The following LRBA variants were observed in gnomAD, a reference collection of about 807,000 sequenced individuals.
LRBA encodes lipopolysaccharide-responsive and beige-like anchor protein.
LRBA carries 176 observed loss-of-function variants against 330.0 expected under a neutral mutation model. That is an observed-to-expected ratio of 0.53 (90% confidence interval 0.47 to 0.60). The LOEUF is 0.60. Ranked by LOEUF, LRBA falls within the 20% of genes least tolerant of loss-of-function variation. The probability of loss-of-function intolerance (pLI) is 0.00; values close to 1 mark genes in which losing one functional copy is unlikely to be tolerated. For missense variants in LRBA, 3,259 were observed against 3,444.8 expected, an observed-to-expected ratio of 0.95 and a Z score of 1.35; for synonymous variants, 1,230 against 1,193.0, an observed-to-expected ratio of 1.03 and a Z score of -0.64.
At chr4:150,475,970 C>T (rs984176804) in intron 42 of LRBA, among the ~76,000 whole-genome samples, 2 of 151,564 alleles carry the variant, frequency 1.3e-5, no homozygotes, top group African/African-American at 2.4e-5. Flanking sequence ...CATGTCTCTA[C>T]TTTCACTTCT....
intron 36 of LRBA, among the ~76,000 whole-genome samples, chr4:150,708,803 A>T (rs1785896039): frequency 6.6e-6 from 1 of 151,878 alleles, no homozygotes; most frequent in Non-Finnish European, 1.5e-5. Context: ...TATATAATAG[A>T]GACAAAAATT....
chr4:150,763,619 C>T (rs1296929911), intron 34 of LRBA, among the ~76,000 whole-genome samples: 3 of 151,752 alleles, frequency 2.0e-5, no homozygotes, highest in African/African-American at 4.8e-5. Flanking sequence ...GCATGTGCCA[C>T]GAAAAGGTAG....
At chr4:150,999,102 T>G (rs1743040892) in intron 2 of LRBA, among the ~76,000 whole-genome samples, 1 of 151,756 alleles carries the variant, frequency 6.6e-6, no homozygotes, top group East Asian at 1.9e-4. Context: ...TGAGCTTGAG[T>G]TTGCAAAGAA....
At chr4:150,677,136 C>T (rs1306181926) in intron 37 of LRBA, among the ~76,000 whole-genome samples, 1 of 151,986 alleles carries the variant, frequency 6.6e-6, no homozygotes, top group Non-Finnish European at 1.5e-5. Flanking sequence ...GACCCCCCAA[C>T]CCCCAAAAAT....
chr4:150,684,289 A>G (rs1013484136), intron 36 of LRBA, among the ~76,000 whole-genome samples: 1 of 152,198 alleles, frequency 6.6e-6, no homozygotes, highest in Non-Finnish European at 1.5e-5. Flanking sequence ...AGGGCCAGAA[A>G]AGAGACAATA....
chr4:150,833,132 A>T (rs72719642), intron 28 of LRBA, among the ~76,000 whole-genome samples: 2,394 of 151,072 alleles, frequency 0.016, 27 homozygotes, highest in Non-Finnish European at 0.025. Flanking sequence ...ATCAAGATTT[A>T]AAAAAAAAGG....
chr4:150,354,077 G>A (rs942106059), intron 47 of LRBA, among the ~76,000 whole-genome samples: 12 of 152,062 alleles, frequency 7.9e-5, no homozygotes, highest in African/African-American at 2.9e-4. Context: ...CTTGAGGGGA[G>A]AGAGAAGGAC....
At chr4:150,362,379 A>G (rs76015092) in intron 47 of LRBA, among the ~76,000 whole-genome samples, 1,689 of 152,240 alleles carry the variant, frequency 0.011, 33 homozygotes, top group African/African-American at 0.039. Context: ...TTCTATCGGT[A>G]TCCAAACTGT....
At chr4:150,382,247 C>T (rs867574886) in intron 47 of LRBA, among the ~76,000 whole-genome samples, 4 of 152,130 alleles carry the variant, frequency 2.6e-5, no homozygotes, top group Non-Finnish European at 5.9e-5. Context: ...AAAATTGGCT[C>T]TAGCCTATCA....
chr4:150,726,868 T>A (rs1202399137), intron 36 of LRBA, among the ~76,000 whole-genome samples: 1 of 151,294 alleles, frequency 6.6e-6, no homozygotes, highest in Non-Finnish European at 1.5e-5. Context: ...CTGGAGCAAC[T>A]AAATATATAA....
intron 30 of LRBA, among the ~76,000 whole-genome samples, chr4:150,825,170 C>T (rs936519362): frequency 6.6e-6 from 1 of 152,064 alleles, no homozygotes; most frequent in African/African-American, 2.4e-5. Flanking sequence ...ATGGTACCAT[C>T]TACAGTTAAA....
chr4:150,387,159 TTGTC>T (rs970681236), intron 47 of LRBA, among the ~76,000 whole-genome samples: 10 of 152,154 alleles, frequency 6.6e-5, no homozygotes, highest in African/African-American at 2.4e-4. Context: ...TATTAGACCT[TTGTC>T]AGATGGATAG....
rs763826371 is a variant in LRBA at position 150,282,475 on chromosome 4, G to A, written c.8291C>T (p.Thr2764Met). ...TCTTATGTTATCATCTGTTTCCATCGTGGCCTGGAGTTTTCCATTCACACT... is the reference window on the plus strand; with the variant it reads ...TCTTATGTTATCATCTGTTTCCATCATGGCCTGGAGTTTTCCATTCACACT... ...TFSVNGKLQA[T>M]METDDNIRAI... Residue 2764 changes from threonine (T) to methionine (M), a missense_variant, in exon 55 of 57, where the codon ACG (threonine) becomes ATG (methionine). Physicochemically the swap from Thr to Met is moderately conservative, Grantham distance 81 (BLOSUM62 -1). Coordinates refer to ENST00000651943, the MANE Select transcript of LRBA (RefSeq NM_001364905.1). 8 of 1,613,874 alleles carry A rather than the reference G, an allele frequency of 5.0e-6. No individual in the cohort carries two copies. Among genetic ancestry groups the A allele is most frequent in the East Asian group, 2.2e-5 (1 of 44,876 alleles).
chr4:150,618,871 T>C (rs61069335), intron 37 of LRBA, among the ~76,000 whole-genome samples: 16,131 of 130,830 alleles, frequency 0.12, 1,538 homozygotes, highest in African/African-American at 0.26. Flanking sequence ...TATATATATA[T>C]ACACACATAC....
chr4:150,679,279 G>C (rs1400896873), intron 37 of LRBA, among the ~76,000 whole-genome samples: 1 of 152,128 alleles, frequency 6.6e-6, no homozygotes, highest in Non-Finnish European at 1.5e-5. Context: ...TTCCTACAAA[G>C]AAGATTAAAA....
At chr4:150,369,340 C>T (rs1249938233) in intron 47 of LRBA, among the ~76,000 whole-genome samples, 3 of 152,124 alleles carry the variant, frequency 2.0e-5, no homozygotes, top group Non-Finnish European at 2.9e-5. Flanking sequence ...GCCAGACCTT[C>T]TGATTAGGAG....
At chr4:150,527,804 G>T (rs1471902671) in intron 40 of LRBA, among the ~76,000 whole-genome samples, 1 of 152,150 alleles carries the variant, frequency 6.6e-6, no homozygotes, top group Non-Finnish European at 1.5e-5. Flanking sequence ...ACAATATTTA[G>T]ATGGCAGAAG....
At chr4:150,520,440 T>C (rs1256037278) in intron 40 of LRBA, among the ~76,000 whole-genome samples, 3 of 152,208 alleles carry the variant, frequency 2.0e-5, no homozygotes, top group East Asian at 3.8e-4. Context: ...CTTACAGATA[T>C]TTCAACAAAT....
chr4:150,706,193 T>C (rs1318946500), intron 36 of LRBA, among the ~76,000 whole-genome samples: 1 of 151,880 alleles, frequency 6.6e-6, no homozygotes, highest in Non-Finnish European at 1.5e-5. Context: ...CATAGACCTA[T>C]TAGTATCAAA....
Sources: gnomAD v4.1 joint callset for allele counts (sites outside exome capture counted in the v4.1 genomes callset) on GRCh38, gnomAD v4.1.1 for gene constraint, MANE v1.5 for transcripts, NCBI Gene and HGNC (gene_info 2026-07-23, HGNC 2026-07-21) for gene names.